Variants in LCMT1 observed in about 807,000 individuals in gnomAD.
LCMT1 encodes the protein leucine carboxyl methyltransferase 1.
LCMT1 carries 32 observed loss-of-function variants against 47.7 expected under a neutral mutation model. The observed-to-expected ratio is 0.67, with a 90% CI of 0.51 to 0.90. The LOEUF is 0.90. Ranked by LOEUF, LCMT1 falls within the 40% of genes least tolerant of loss-of-function variation. The pLI is 0.00. For missense variants in LCMT1, 375 were observed against 415.2 expected (o/e 0.90, Z 0.84); for synonymous variants, 152 against 149.7 (o/e 1.02, Z -0.11).
chr16:25,116,420 A>G (rs1478418427), intron 1 of LCMT1, among the ~76,000 whole-genome samples: 1 of 152,116 alleles, frequency 6.6e-6, no homozygotes, highest in East Asian at 1.9e-4. Context: ...GTCTCGTTTC[A>G]TCTCCTGTCA....
In LCMT1 at chr16:25,170,703, G is replaced by C. The variant is rs764004302; in HGVS notation, c.793-11G>C. Reference sequence around the variant, plus strand: ...CTCTAGTTCTCCATTTCTCTTCGTTGCACATTTTAGAAAGAACGGCTCCTG... The same window carrying C: ...CTCTAGTTCTCCATTTCTCTTCGTTCCACATTTTAGAAAGAACGGCTCCTG... On this transcript the variant is annotated splice_polypyrimidine_tract_variant and intron_variant, in intron 8 of 10. Coordinates refer to ENST00000399069, the MANE Select transcript of LCMT1 (RefSeq NM_016309.3). The C allele has an allele frequency of 6.2e-7, 1 of 1,606,568 alleles. No individual in the cohort carries two copies. The highest frequency in any genetic ancestry group is 8.5e-7 in the Non-Finnish European group (1 of 1,174,172).
At chr16:25,139,992 G>T in intron 3 of LCMT1, 179 bp from the exon 4 acceptor site, 1 of 587,280 alleles carries the variant, frequency 1.7e-6, no homozygotes, top group Non-Finnish European at 3.0e-6. Flanking sequence ...ACCTTCATCT[G>T]TGCTTGCTTC....
intron 8 of LCMT1, chr16:25,169,438 A>G: frequency 1.0e-5 from 4 of 399,260 alleles, no homozygotes; most frequent in Non-Finnish European, 1.8e-5. Flanking sequence ...GTATTACGCA[A>G]ATTTTCAAAC....
chr16:25,174,338 A>G (rs889950204), intron 9 of LCMT1, among the ~76,000 whole-genome samples: 9 of 151,412 alleles, frequency 5.9e-5, no homozygotes, highest in African/African-American at 2.2e-4. Flanking sequence ...CTACTGGTCT[A>G]CTACCTTCTC....
At chr16:25,169,431 T>G (rs548037686) in intron 8 of LCMT1, 68 of 450,966 alleles carry the variant, frequency 1.5e-4, no homozygotes, top group African/African-American at 1.3e-3. Flanking sequence ...TGACTTTGTA[T>G]TACGCAAATT....
Position 25,164,693 on chromosome 16 carries a change from G to A in LCMT1, c.665G>A (p.Arg222Lys). 1 of 1,613,966 alleles carries A rather than the reference G, an allele frequency of 6.2e-7. No individual in the cohort carries two copies. Among genetic ancestry groups the A allele is most frequent in the Non-Finnish European group, 8.5e-7 (1 of 1,179,880 alleles). ...AAGTGGGCAGCCAACAGTTTTGAGAGAGCCATGTTCATAAACTACGAACAG... is the reference window on the plus strand; with the variant it reads ...AAGTGGGCAGCCAACAGTTTTGAGAAAGCCATGTTCATAAACTACGAACAG... ...LLKWAANSFE[R>K]AMFINYEQVN... The change falls in exon 7 of 11, where the codon AGA (arginine) becomes AAA (lysine). Residue 222 changes from arginine to lysine, a missense_variant. By Grantham distance (26) the Arg-to-Lys change is conservative (BLOSUM62 2). Transcript: ENST00000399069.
At chr16:25,120,801 G>C (rs1959960344) in intron 1 of LCMT1, among the ~76,000 whole-genome samples, 1 of 148,770 alleles carries the variant, frequency 6.7e-6, no homozygotes, top group South Asian at 2.1e-4. Flanking sequence ...AGGGTGGAGG[G>C]CAGTGGTATA....
At chr16:25,140,447 C>T in intron 4 of LCMT1, 200 bp downstream of exon 4, 3 of 567,666 alleles carry the variant, frequency 5.3e-6, no homozygotes, top group Non-Finnish European at 9.4e-6. Context: ...TTCCTTATTA[C>T]AGATCACAGG....
intron 4 of LCMT1, chr16:25,143,668 T>G (rs1054627282): frequency 6.6e-6 from 1 of 152,218 alleles, no homozygotes; most frequent in Non-Finnish European, 1.5e-5. Flanking sequence ...TCCCCTGTGT[T>G]GAACCAGTTT....
intron 5 of LCMT1, among the ~76,000 whole-genome samples, chr16:25,156,985 G>T (rs1352307751): frequency 4.6e-5 from 6 of 131,454 alleles, no homozygotes; most frequent in South Asian, 2.5e-4. Flanking sequence ...AGGAAAATCT[G>T]TGAACCTAAA....
At chr16:25,133,988 TG>T (rs1960429431) in intron 3 of LCMT1, among the ~76,000 whole-genome samples, 1 of 147,066 alleles carries the variant, frequency 6.8e-6, no homozygotes, top group Non-Finnish European at 1.5e-5. Context: ...GTCGAGATCA[TG>T]CCACCGCACT....
chr16:25,129,880 A>T (rs1332858446), intron 2 of LCMT1, among the ~76,000 whole-genome samples: 3 of 152,328 alleles, frequency 2.0e-5, no homozygotes, highest in African/African-American at 7.2e-5. Flanking sequence ...CCAGTTGCGC[A>T]GCTTGAGGGT....
rs1960826361 is a variant in LCMT1, at chr16:25,145,652, C to T, written c.404+5405C>T. 1.3e-5 allele frequency: 2 copies of T among 152,216 alleles called. 1 individual carries two copies. Among genetic ancestry groups the T allele is most frequent in the Admixed American group, 1.3e-4 (2 of 15,280 alleles). The allele number at this position is 152,216 out of a possible 1,614,324, so 9.4% of individuals were successfully genotyped here. On this transcript the variant is annotated intron_variant, in intron 4 of 10. Transcript: ENST00000399069. ...CAAGTCCTACACAAACTGATATTCT[C>T]CATTAGGCTTTTTAACAGGGAGGAC...
At chr16:25,112,189 G>A (rs1959641866) in intron 1 of LCMT1, among the ~76,000 whole-genome samples, 193 bp downstream of exon 1, 1 of 152,244 alleles carries the variant, frequency 6.6e-6, no homozygotes, top group Non-Finnish European at 1.5e-5. Context: ...AGCTTTTGCT[G>A]TGAGCCAGGC....
rs1962002786 is a variant in LCMT1, at chr16:25,177,995, C to T, written c.983-6C>T. Reference sequence around the variant, plus strand: ...CCTAATGGTGTCTGTGTGTCTCTCCCCTCAGGGCTGAAGGAGATAACTTAT... The same window carrying T: ...CCTAATGGTGTCTGTGTGTCTCTCCTCTCAGGGCTGAAGGAGATAACTTAT... On this transcript the variant is annotated splice_polypyrimidine_tract_variant and splice_region_variant and intron_variant, in intron 10 of 10. Coordinates refer to ENST00000399069, the MANE Select transcript of LCMT1 (RefSeq NM_016309.3). 3 of 1,613,708 alleles carry T rather than the reference C, an allele frequency of 1.9e-6. No individual in the cohort carries two copies. The highest frequency in any genetic ancestry group is 2.5e-6 in the Non-Finnish European group (3 of 1,179,712).
chr16:25,151,499 A>C lies in LCMT1; in HGVS notation c.405-55A>C, dbSNP rs937059508. ...CATTTGTGCAGTAAATGAGCTCATG[A>C]GTAAATTGAGGAGCAAATAGACTCA... On this transcript the variant is annotated intron_variant, in intron 4 of 10. Coordinates refer to ENST00000399069, the MANE Select transcript of LCMT1 (RefSeq NM_016309.3). 3 of 1,399,576 alleles carry C rather than the reference A, an allele frequency of 2.1e-6. No individual in the cohort carries two copies. In the African/African-American group the frequency reaches 4.3e-5, roughly 20 times the overall value. The allele number at this position is 1,399,576 out of a possible 1,614,324, so 86.7% of individuals were successfully genotyped here. A position where few individuals can be genotyped will look rare whatever the true frequency, so the allele number is the denominator to read the frequency against.
At chr16:25,158,424 T>G (rs1397167148) in intron 5 of LCMT1, among the ~76,000 whole-genome samples, 1 of 152,250 alleles carries the variant, frequency 6.6e-6, no homozygotes, top group Non-Finnish European at 1.5e-5. Flanking sequence ...CATAAGCCAC[T>G]GCGCCCGGCC....
intron 3 of LCMT1, among the ~76,000 whole-genome samples, chr16:25,133,979 T>G (rs1960428773): frequency 6.8e-6 from 1 of 147,054 alleles, no homozygotes; most frequent in Non-Finnish European, 1.5e-5. Context: ...TTGCAGTGAG[T>G]CGAGATCATG....
intron 1 of LCMT1, among the ~76,000 whole-genome samples, chr16:25,116,210 T>G (rs1895509544): frequency 1.3e-5 from 2 of 152,188 alleles, no homozygotes. Context: ...TTCTCTGTGT[T>G]GAGTACTGAA....
Sources: gnomAD v4.1 joint callset for allele counts (sites outside exome capture counted in the v4.1 genomes callset) on GRCh38, gnomAD v4.1.1 for gene constraint, MANE v1.5 for transcripts, NCBI Gene and HGNC (gene_info 2026-07-23, HGNC 2026-07-21) for gene names.